Variants in AKR1B1 observed in about 807,000 individuals in gnomAD.
AKR1B1 encodes the protein aldo-keto reductase family 1 member B1.
In AKR1B1, 22 loss-of-function variants were observed where a neutral mutation model predicts 40.4. The observed-to-expected ratio is 0.54, with a 90% CI of 0.39 to 0.78. The LOEUF (loss-of-function observed/expected upper bound fraction) is 0.78, where lower values mean the gene tolerates loss of function less well. AKR1B1 is among the 30% of genes least tolerant of loss of function. AKR1B1 has a pLI of 0.00. For missense variants in AKR1B1, 357 were observed against 396.7 expected (o/e 0.90, Z 0.85); for synonymous variants, 157 against 149.9 (o/e 1.05, Z -0.35).
At chr7:134,458,567 T>A (rs956178472) in intron 1 of AKR1B1, among the ~76,000 whole-genome samples, 3 of 152,304 alleles carry the variant, frequency 2.0e-5, no homozygotes, top group African/African-American at 7.2e-5. Flanking sequence ...AGGCTGGGTC[T>A]GCGCTCCCAC....
chr7:134,448,430 C>G lies in AKR1B1; in HGVS notation c.616G>C (p.Val206Leu). Residue 206 changes from valine (V) to leucine (L), a missense_variant, in exon 6 of 10, where the codon GTG becomes CTG. By Grantham distance (32) the Val-to-Leu change is conservative. Transcript: ENST00000285930. Reference protein sequence around the residue: ...LIQYCQSKGIVVTAYSPLGSP... With the variant: ...LIQYCQSKGILVTAYSPLGSP... ...CCGAGGGGGCTGTAGGCGGTCACCACGATGCCTTTGGACTGGCAGTACTGG... is the reference window on the plus strand; with the variant it reads ...CCGAGGGGGCTGTAGGCGGTCACCAGGATGCCTTTGGACTGGCAGTACTGG... The G allele has an allele frequency of 1.2e-6, 2 of 1,613,936 alleles. No homozygotes were observed. The highest frequency in any genetic ancestry group is 1.7e-6 in the Non-Finnish European group (2 of 1,179,892).
chr7:134,447,278 C>A lies in AKR1B1; in HGVS notation c.825+20G>T. ...CCCACTCCATGGAGGAGGGCCAGGC[C>A]TGACCAGCCAAGATCTTACCTTAAA... On this transcript the variant is annotated intron_variant, in intron 8 of 9. Coordinates refer to ENST00000285930, the MANE Select transcript of AKR1B1 (RefSeq NM_001628.4). 1 of 1,611,340 alleles carries A rather than the reference C, an allele frequency of 6.2e-7. No individual in the cohort carries two copies. The highest frequency in any genetic ancestry group is 2.2e-5 in the East Asian group (1 of 44,870).
chr7:134,455,333 A>T (rs1806436739), intron 1 of AKR1B1, among the ~76,000 whole-genome samples: 1 of 152,170 alleles, frequency 6.6e-6, no homozygotes, highest in South Asian at 2.1e-4. Context: ...TTAGGGGAAA[A>T]AAAAGTCTCA....
intron 9 of AKR1B1, 114 bp from the exon 10 acceptor site, chr7:134,442,884 G>C (rs1805981509): frequency 9.7e-7 from 1 of 1,028,770 alleles, no homozygotes; most frequent in Non-Finnish European, 1.5e-6. Context: ...AACCTCAGAG[G>C]CAACAAGCTA....
chr7:134,448,250 A>C (rs1050289505), intron 6 of AKR1B1, 137 bp downstream of exon 6: 33 of 952,346 alleles, frequency 3.5e-5, no homozygotes, highest in Non-Finnish European at 4.4e-5. Flanking sequence ...CAACCCTTCC[A>C]GGAAAACCAG....
chr7:134,451,775 G>GCCC (rs941016865), intron 1 of AKR1B1, 22 bp from the exon 2 acceptor site: 1 of 1,613,008 alleles, frequency 6.2e-7, no homozygotes, highest in African/African-American at 1.3e-5. Context: ...AAGAACGTGA[G>GCCC]CCCCGCAGAA....
rs747992861 is a variant in AKR1B1 at position 134,449,082 on chromosome 7, G to A, written c.467C>T (p.Ala156Val). Reference sequence around the variant, plus strand: ...ATGGTTGAAGTTGGAGATGCCAATAGCTTTCACCAGCCCTTCATCCACCAG... The same window carrying A: ...ATGGTTGAAGTTGGAGATGCCAATAACTTTCACCAGCCCTTCATCCACCAG... ...EELVDEGLVK[A>V]IGISNFNHLQ... is the part of the protein sequence containing the mutation. The change falls in exon 5 of 10, where the codon GCT becomes GTT. Residue 156 changes from alanine (A) to valine (V), a missense_variant. Ala to Val is a moderately conservative substitution (Grantham distance 64). Transcript: ENST00000285930. The A allele has an allele frequency of 5.0e-6, 8 of 1,614,006 alleles. No homozygotes were observed. In the South Asian group the frequency reaches 8.8e-5, roughly 18 times the overall value.
chr7:134,450,072 C>T (rs1806237952), intron 3 of AKR1B1, among the ~76,000 whole-genome samples: 1 of 152,198 alleles, frequency 6.6e-6, no homozygotes, highest in Non-Finnish European at 1.5e-5. Context: ...GGACTCAAGA[C>T]CAGGACTCAC....
chr7:134,449,563 G>C (rs559505348), intron 4 of AKR1B1, 157 bp downstream of exon 4: 2 of 696,594 alleles, frequency 2.9e-6, no homozygotes, highest in East Asian at 5.1e-5. Context: ...CTCCAGCCTG[G>C]GCAACAGAGG....
At chr7:134,445,067 C>A in intron 9 of AKR1B1, 171 bp downstream of exon 9, 1 of 696,330 alleles carries the variant, frequency 1.4e-6, no homozygotes, top group South Asian at 1.5e-5. Flanking sequence ...CATCTTGGCT[C>A]CATGCAGTTC....
intron 2 of AKR1B1, chr7:134,451,170 C>T (rs574232754): frequency 1.8e-5 from 10 of 571,380 alleles, no homozygotes; most frequent in Middle Eastern, 4.6e-4. Flanking sequence ...CAAGAACTCT[C>T]GAAACTTTCC....
chr7:134,451,982 G>A (rs1806303375), intron 1 of AKR1B1, among the ~76,000 whole-genome samples: 1 of 152,212 alleles, frequency 6.6e-6, no homozygotes, highest in African/African-American at 2.4e-5. Context: ...CCACTTAAGT[G>A]TAGGTGAGAT....
chr7:134,447,914 T>G, intron 7 of AKR1B1, 66 bp downstream of exon 7: 1 of 1,398,178 alleles, frequency 7.2e-7, no homozygotes, highest in Non-Finnish European at 1.0e-6. Context: ...TTCCTCCTCT[T>G]GGCTAACAGG....
At chr7:134,453,950 G>A (rs1295462940) in intron 1 of AKR1B1, among the ~76,000 whole-genome samples, 2 of 152,106 alleles carry the variant, frequency 1.3e-5, no homozygotes, top group Admixed American at 1.3e-4. Context: ...GCCAACACAG[G>A]ATGACAACAT....
intron 4 of AKR1B1, 31 bp downstream of exon 4, chr7:134,449,689 G>T (rs770823884): frequency 5.0e-6 from 8 of 1,586,156 alleles, no homozygotes; most frequent in Non-Finnish European, 6.9e-6. Context: ...AACCAGTCAC[G>T]AAAACAAGGT....
chr7:134,450,915 G>A lies in AKR1B1; in HGVS notation c.235-13C>T. 2.5e-6 allele frequency: 4 copies of A among 1,605,800 alleles called. No homozygotes were observed. Among genetic ancestry groups the A allele is most frequent in the Non-Finnish European group, 3.4e-6 (4 of 1,172,534 alleles). ...ACGTGCACCACAGCTAAGCCAGCGA[G>A]AGGGCACATGTCATCATTGCCAGCC... On this transcript the variant is annotated splice_polypyrimidine_tract_variant and intron_variant, in intron 2 of 9. Coordinates refer to ENST00000285930, the MANE Select transcript of AKR1B1 (RefSeq NM_001628.4).
At chr7:134,451,191 G>A (rs1348143586) in intron 2 of AKR1B1, 1 of 553,562 alleles carries the variant, frequency 1.8e-6, no homozygotes, top group African/African-American at 1.9e-5. Flanking sequence ...CCCCGGGCTG[G>A]TGTTTGTGGA....
chr7:134,449,242 CAGA>C (rs911654122), intron 4 of AKR1B1, 123 bp from the exon 5 acceptor site: 2 of 1,394,598 alleles, frequency 1.4e-6, no homozygotes, highest in African/African-American at 2.8e-5. Context: ...TTAGACCTTT[CAGA>C]AGCTAAGAGA....
intron 1 of AKR1B1, 165 bp from the exon 2 acceptor site, chr7:134,451,918 C>T (rs1203903794): frequency 1.9e-5 from 14 of 743,262 alleles, no homozygotes; most frequent in Non-Finnish European, 2.5e-5. Context: ...GCCTCAGACG[C>T]GGGGGATGGA....
Sources: allele counts gnomAD v4.1 joint callset (sites outside exome capture counted in the v4.1 genomes callset), GRCh38; gene constraint gnomAD v4.1.1; transcripts MANE v1.5; gene names NCBI Gene and HGNC (gene_info 2026-07-23, HGNC 2026-07-21).